Variants in NCAM2 observed in about 807,000 individuals in gnomAD.
NCAM2 encodes the protein neural cell adhesion molecule 2, also known as N-CAM-2.
Under a neutral mutation model 98.1 loss-of-function variants are expected in NCAM2, and 30 were observed. The ratio of observed to expected loss-of-function variants is 0.31; its 90% confidence interval spans 0.23 to 0.41. The LOEUF (loss-of-function observed/expected upper bound fraction) is 0.41. NCAM2 is among the 10% of genes least tolerant of loss of function. The pLI is 1.00. For missense variants in NCAM2, 867 were observed against 1,005.8 expected (o/e 0.86, Z 1.87); for synonymous variants, 368 against 342.4 (o/e 1.07, Z -0.83).
At chr21:21,041,510 C>A (rs9305998) in intron 1 of NCAM2, among the ~76,000 whole-genome samples, 150,883 of 152,286 alleles carry the variant, frequency 0.99, 74,764 homozygotes, top group Middle Eastern at 1. Context: ...GTCTTTAAAC[C>A]ATTACCTCGT....
chr21:21,335,743 A>G (rs1335270234), intron 7 of NCAM2, 78 bp downstream of exon 7: 2 of 1,137,280 alleles, frequency 1.8e-6, no homozygotes, highest in Non-Finnish European at 2.3e-6. Flanking sequence ...AATCATTTGA[A>G]CTATTTAAAC....
At chr21:21,090,773 T>G (rs1477452406) in intron 1 of NCAM2, among the ~76,000 whole-genome samples, 1 of 152,170 alleles carries the variant, frequency 6.6e-6, no homozygotes, top group Non-Finnish European at 1.5e-5. Context: ...AAGCTTGCAA[T>G]TGCTTCAACC....
At chr21:21,496,670 G>GGTTCT (rs903763103) in intron 15 of NCAM2, among the ~76,000 whole-genome samples, 4 of 151,306 alleles carry the variant, frequency 2.6e-5, no homozygotes, top group Admixed American at 6.6e-5. Flanking sequence ...TGGAGATTTA[G>GGTTCT]CCAAAAATCC....
Position 21,508,848 on chromosome 21 carries a change from A to AT in NCAM2, c.2078-3_2078-2insT. 2 of 448,902 alleles carry AT rather than the reference A, an allele frequency of 4.5e-6. No individual in the cohort carries two copies. Among genetic ancestry groups the AT allele is most frequent in the Non-Finnish European group, 6.6e-6 (2 of 301,410 alleles). 27.8% of individuals were successfully genotyped at this position (448,902 alleles called of 1,614,324 possible). A position where few individuals can be genotyped will look rare whatever the true frequency, so the allele number is the denominator to read the frequency against. ...TTTTTTTTTTTTTTTTTTACTTTTT[A>AT]AGACACGCTGTTTAATGGTCTTGGG... On this transcript the variant is annotated splice_polypyrimidine_tract_variant and splice_region_variant and intron_variant, in intron 15 of 17. Coordinates refer to ENST00000400546, the MANE Select transcript of NCAM2 (RefSeq NM_004540.5).
At chr21:21,305,774 C>G (rs757157949) in intron 5 of NCAM2, among the ~76,000 whole-genome samples, 3 of 151,712 alleles carry the variant, frequency 2.0e-5, no homozygotes, top group Non-Finnish European at 4.4e-5. Flanking sequence ...ATTATTTTAT[C>G]TTTCTGGCTT....
chr21:21,504,557 T>C (rs1347187180), intron 15 of NCAM2, among the ~76,000 whole-genome samples: 1 of 151,930 alleles, frequency 6.6e-6, no homozygotes, highest in Non-Finnish European at 1.5e-5. Flanking sequence ...TATGGTTTTA[T>C]TTGTGAAACG....
chr21:21,241,921 C>G (rs2071082576), intron 1 of NCAM2, among the ~76,000 whole-genome samples: 2 of 152,140 alleles, frequency 1.3e-5, no homozygotes, highest in South Asian at 2.1e-4. Flanking sequence ...AAAATTGGCT[C>G]TAGCTAGAAA....
intron 14 of NCAM2, among the ~76,000 whole-genome samples, chr21:21,474,363 A>C (rs1984869563): frequency 1.3e-5 from 2 of 152,138 alleles, no homozygotes; most frequent in African/African-American, 4.8e-5. Flanking sequence ...TCAACAAATA[A>C]GAGCTAAATG....
intron 1 of NCAM2, among the ~76,000 whole-genome samples, chr21:21,204,666 A>G (rs1335491326): frequency 6.6e-6 from 1 of 152,090 alleles, no homozygotes; most frequent in East Asian, 1.9e-4. Context: ...CCAAAGTTCA[A>G]CTGTCCACTT....
At chr21:21,446,759 A>G (rs1162996895) in intron 12 of NCAM2, among the ~76,000 whole-genome samples, 1 of 152,248 alleles carries the variant, frequency 6.6e-6, no homozygotes, top group East Asian at 1.9e-4. Context: ...CACCAACAGT[A>G]GACAAGCAGA....
At chr21:21,099,625 C>T (rs1158299638) in intron 1 of NCAM2, among the ~76,000 whole-genome samples, 1 of 151,856 alleles carries the variant, frequency 6.6e-6, no homozygotes, top group Non-Finnish European at 1.5e-5. Context: ...CCTTCCATGA[C>T]ATGTGGGGAT....
At chr21:21,125,251 T>C (rs1466226502) in intron 1 of NCAM2, among the ~76,000 whole-genome samples, 1 of 149,944 alleles carries the variant, frequency 6.7e-6, no homozygotes, top group East Asian at 1.9e-4. Context: ...TCATCATTTC[T>C]TCGTAAAGAA....
chr21:21,412,403 G>A (rs974609342), intron 10 of NCAM2, among the ~76,000 whole-genome samples: 1 of 100,682 alleles, frequency 9.9e-6, no homozygotes, highest in Non-Finnish European at 2.5e-5. Context: ...AATGGGCAGA[G>A]TGAGGAGGCG....
chr21:21,328,461 T>C (rs2074580205), intron 6 of NCAM2, among the ~76,000 whole-genome samples: 1 of 152,010 alleles, frequency 6.6e-6, no homozygotes, highest in Non-Finnish European at 1.5e-5. Context: ...AGATGCCAGC[T>C]CCATGCCTGT....
At chr21:21,534,388 G>T in intron 16 of NCAM2, 149 bp from the exon 17 acceptor site, 1 of 566,876 alleles carries the variant, frequency 1.8e-6, no homozygotes. Flanking sequence ...AAATTTAAAT[G>T]GTAAAGCATT....
intron 1 of NCAM2, among the ~76,000 whole-genome samples, chr21:21,065,320 C>T (rs1185298090): frequency 2.0e-5 from 3 of 152,064 alleles, no homozygotes; most frequent in Admixed American, 6.6e-5. Context: ...ATATTAAAAC[C>T]CTAAGTCATC....
At position 21,531,826 on chromosome 21, in the gene NCAM2, C is replaced by CAAA. The variant is rs71696380; in HGVS notation, c.2283-2696_2283-2694dup. The stretch of plus-strand genomic sequence containing the variant: ...AAACCCCGTCTCTACTAAAAAATAC[C>CAAA]AAAAAAAAAAAAAAAAATTAGCCGG... On this transcript the variant is annotated intron_variant, in intron 16 of 17. Coordinates refer to ENST00000400546, the MANE Select transcript of NCAM2 (RefSeq NM_004540.5). 3.8e-4 allele frequency among the ~76,000 whole-genome samples: 49 copies of CAAA among 130,556 alleles called. No individual in the cohort carries two copies. The South Asian group carries it at 9.8e-3, about 26-fold the overall frequency. The allele number at this position is 130,556 out of a possible 152,430, so 85.6% of individuals were successfully genotyped here.
intron 5 of NCAM2, among the ~76,000 whole-genome samples, chr21:21,302,280 G>T (rs2073739974): frequency 6.6e-6 from 1 of 152,030 alleles, no homozygotes; most frequent in Non-Finnish European, 1.5e-5. Context: ...ACCATCTTGA[G>T]TTAATTTTTG....
intron 1 of NCAM2, among the ~76,000 whole-genome samples, chr21:21,076,098 C>T (rs567832488): frequency 2.5e-4 from 36 of 145,646 alleles, no homozygotes; most frequent in African/African-American, 9.1e-4. Flanking sequence ...GCCTGAGCGA[C>T]AGAGTGAGAC....
Sources: allele counts gnomAD v4.1 joint callset (sites outside exome capture counted in the v4.1 genomes callset), GRCh38; gene constraint gnomAD v4.1.1; transcripts MANE v1.5; gene names NCBI Gene and HGNC (gene_info 2026-07-23, HGNC 2026-07-21).